The following PLPP1 variants were observed in gnomAD, a reference collection of about 807,000 sequenced individuals.
PLPP1 encodes phospholipid phosphatase 1, also known as lipid phosphate phosphohydrolase 1a.
Under a neutral mutation model 31.2 loss-of-function variants are expected in PLPP1, and 24 were observed. The observed-to-expected ratio is 0.77, with a 90% CI of 0.56 to 1.08. The LOEUF (loss-of-function observed/expected upper bound fraction) is 1.08, where lower values mean the gene tolerates loss of function less well. Among genes scored for constraint, PLPP1 ranks in the 50% least tolerant of loss-of-function variants. The pLI is 0.00. For synonymous variants in PLPP1, 146 were observed against 126.3 expected, an observed-to-expected ratio of 1.16 and a Z score of -1.05; for missense variants, 319 against 342.7, an observed-to-expected ratio of 0.93 and a Z score of 0.55.
intron 4 of PLPP1, among the ~76,000 whole-genome samples, chr5:55,434,106 G>T (rs1751435435): frequency 6.7e-6 from 1 of 149,230 alleles, no homozygotes; most frequent in Non-Finnish European, 1.5e-5. Flanking sequence ...TCCAGCCTGG[G>T]CGAGCGACTG....
chr5:55,446,415 C>G (rs1751766100), intron 3 of PLPP1, among the ~76,000 whole-genome samples: 1 of 152,208 alleles, frequency 6.6e-6, no homozygotes, highest in Non-Finnish European at 1.5e-5. Flanking sequence ...TCCAAACCTA[C>G]TTGGCCAACT....
At position 55,431,737 on chromosome 5, in the gene PLPP1, G is replaced by A. The variant is rs145308456; in HGVS notation, c.550-5698C>T. Among the ~76,000 whole-genome samples, 1,249 of 152,156 alleles carry A rather than the reference G, an allele frequency of 8.2e-3. 8 individuals are homozygous for A. The highest frequency in any genetic ancestry group is 0.013 in the Non-Finnish European group (866 of 67,996). On this transcript the variant is annotated intron_variant, in intron 4 of 5. Transcript: ENST00000307259. ...AACAAGAACAAACCTAAAATTGGTG[G>A]AAGAAAAATACTAAAGAGCAGAGCA...
chr5:55,445,533 CTCTTTTTTT>C (rs1751742287), intron 3 of PLPP1, among the ~76,000 whole-genome samples: 2 of 120,978 alleles, frequency 1.7e-5, no homozygotes, highest in Admixed American at 1.1e-4. Context: ...TTTGCATTCA[CTCTTTTTTT>C]TTTTTTTTTT....
intron 1 of PLPP1, among the ~76,000 whole-genome samples, chr5:55,533,035 A>C (rs759423998): frequency 6.6e-6 from 1 of 152,090 alleles, no homozygotes; most frequent in Non-Finnish European, 1.5e-5. Flanking sequence ...CTGTGGACCT[A>C]AACAGGAAGT....
At chr5:55,483,041 G>A (rs932076657) in intron 1 of PLPP1, among the ~76,000 whole-genome samples, 15 of 152,008 alleles carry the variant, frequency 9.9e-5, no homozygotes, top group Non-Finnish European at 1.8e-4. Context: ...TTCAAATGTG[G>A]TATTCCACAA....
At chr5:55,444,770 T>TGTGTGTGTGTGTGTGTGA (rs1339633741) in intron 3 of PLPP1, among the ~76,000 whole-genome samples, 4 of 151,242 alleles carry the variant, frequency 2.6e-5, no homozygotes, top group East Asian at 3.9e-4. Context: ...TGTGTGTGTG[T>TGTGTGTGTGTGTGTGTGA]GATGGAGTCT....
intron 1 of PLPP1, chr5:55,508,856 C>T (rs1753342314): frequency 6.5e-6 from 1 of 154,114 alleles, no homozygotes; most frequent in African/African-American, 2.4e-5. Flanking sequence ...CCAACCTGTA[C>T]TTATTTGACC....
At chr5:55,433,156 A>C (rs558700525) in intron 4 of PLPP1, among the ~76,000 whole-genome samples, 3 of 151,402 alleles carry the variant, frequency 2.0e-5, no homozygotes, top group Admixed American at 6.6e-5. Context: ...AAAAAAAAAA[A>C]AAAAAAAATA....
intron 3 of PLPP1, among the ~76,000 whole-genome samples, chr5:55,459,294 C>A (rs1752099689): frequency 6.7e-6 from 1 of 148,430 alleles, no homozygotes; most frequent in Admixed American, 6.7e-5. Flanking sequence ...GATAAAAAAA[C>A]AAAGTTTACG....
intron 3 of PLPP1, among the ~76,000 whole-genome samples, chr5:55,445,829 G>A (rs912083544): frequency 1.6e-4 from 24 of 152,174 alleles, no homozygotes; most frequent in Non-Finnish European, 2.6e-4. Context: ...ACAGACATGA[G>A]CCACTGTGCC....
At position 55,425,178 on chromosome 5, in the gene PLPP1, C is replaced by A; in HGVS notation, c.*28G>T. ...AATCATTTTCCTTTAGAAAACAGGC[C>A]AGCTTCACCTGGGCACCCTGCTGCC... On this transcript the variant is annotated 3_prime_UTR_variant, in exon 6 of 6. Coordinates refer to ENST00000307259, the MANE Select transcript of PLPP1 (RefSeq NM_003711.4). The A allele has an allele frequency of 6.3e-7, 1 of 1,596,798 alleles. No individual in the cohort carries two copies.
rs1344260908 is a variant in PLPP1, at chr5:55,488,024, G to A, written c.59-12574C>T. ...TTGCACGGCAGTTGTAGTGAGCCAA[G>A]ATCATGCCACTGCACTCCAGCCTGG... is the stretch of plus-strand genomic sequence containing the variant. On this transcript the variant is annotated intron_variant, in intron 1 of 5. Coordinates refer to ENST00000307259, the MANE Select transcript of PLPP1 (RefSeq NM_003711.4). 4.6e-5 allele frequency among the ~76,000 whole-genome samples: 7 copies of A among 152,098 alleles called. No homozygotes were observed. The South Asian group carries it at 1.5e-3, about 32-fold the overall frequency.
At chr5:55,428,838 G>T (rs1292964885) in intron 4 of PLPP1, among the ~76,000 whole-genome samples, 1 of 152,188 alleles carries the variant, frequency 6.6e-6, no homozygotes, top group Admixed American at 6.5e-5. Flanking sequence ...AAGGCATTCA[G>T]TTAGTTACTT....
intron 1 of PLPP1, among the ~76,000 whole-genome samples, chr5:55,509,599 T>C (rs978490364): frequency 5.3e-5 from 8 of 152,214 alleles, no homozygotes; most frequent in Non-Finnish European, 1.2e-4. Context: ...ACGTCAGTAA[T>C]TGCCTACAAT....
chr5:55,528,448 G>A (rs1467634833), intron 1 of PLPP1, among the ~76,000 whole-genome samples: 1 of 152,190 alleles, frequency 6.6e-6, no homozygotes, highest in African/African-American at 2.4e-5. Flanking sequence ...TCAGGGCAGG[G>A]ATTATCTTAT....
intron 1 of PLPP1, 45 bp downstream of exon 1, chr5:55,534,527 C>G: frequency 2.6e-6 from 4 of 1,512,476 alleles, no homozygotes; most frequent in Non-Finnish European, 2.7e-6. Context: ...AAAGCCCTCC[C>G]GGGACAGCCG....
chr5:55,475,478 C>A (rs765927798), intron 1 of PLPP1, 28 bp from the exon 2 acceptor site: 7 of 1,557,618 alleles, frequency 4.5e-6, no homozygotes, highest in Non-Finnish European at 4.3e-6. Flanking sequence ...ATGAAAATAT[C>A]ATTAAAAAAG....
At chr5:55,480,793 G>A (rs574751339) in intron 1 of PLPP1, among the ~76,000 whole-genome samples, 57 of 152,120 alleles carry the variant, frequency 3.7e-4, no homozygotes, top group Non-Finnish European at 1.3e-4. Context: ...TTTCTAATGG[G>A]TAGATACCTA....
chr5:55,486,756 T>C (rs1251286499), intron 1 of PLPP1, among the ~76,000 whole-genome samples: 1 of 150,464 alleles, frequency 6.6e-6, no homozygotes, highest in Non-Finnish European at 1.5e-5. Flanking sequence ...CTACTAAAAA[T>C]ACAAAAATTA....
Sources: gnomAD v4.1 joint callset for allele counts (sites outside exome capture counted in the v4.1 genomes callset) on GRCh38, gnomAD v4.1.1 for gene constraint, MANE v1.5 for transcripts, NCBI Gene and HGNC (gene_info 2026-07-23, HGNC 2026-07-21) for gene names.